Variants in SLC6A9 observed in about 807,000 individuals in gnomAD.
The protein encoded by SLC6A9 is sodium- and chloride-dependent glycine transporter 1.
A neutral mutation model predicts 70.9 loss-of-function variants in SLC6A9; 31 were observed. That is an observed-to-expected ratio of 0.44 (90% CI 0.33 to 0.59). SLC6A9 has a LOEUF of 0.59. Among genes scored for constraint, SLC6A9 ranks in the 20% least tolerant of loss-of-function variants. SLC6A9 has a pLI of 0.04. For missense variants in SLC6A9, 631 were observed against 845.2 expected, an observed-to-expected ratio of 0.75 and a Z score of 3.14; for synonymous variants, 310 against 341.3, an observed-to-expected ratio of 0.91 and a Z score of 1.01.
At chr1:44,010,660 T>C (rs1199134392) in intron 3 of SLC6A9, 66 bp downstream of exon 3, 4 of 1,497,936 alleles carry the variant, frequency 2.7e-6, no homozygotes, top group Non-Finnish European at 3.7e-6. Context: ...AGGGAGAGGG[T>C]GGCCCAGGCC....
chr1:44,027,052 A>G (rs1166969058), intron 1 of SLC6A9, among the ~76,000 whole-genome samples: 1 of 152,126 alleles, frequency 6.6e-6, no homozygotes, highest in Non-Finnish European at 1.5e-5. Context: ...TTCCTGTTAC[A>G]TGGTCCCATC....
chr1:44,002,650 G>C lies in SLC6A9; in HGVS notation c.724-4C>G. On this transcript the variant is annotated splice_polypyrimidine_tract_variant and splice_region_variant and intron_variant, in intron 6 of 13. Transcript: ENST00000372310. This position sits in a 1 kb window ranked among gnomAD's most constrained non-coding sequence, Gnocchi z 5.5. ...ACGTGGCCGTGAAGTACACCACCTGGCACAAGAGGGCTCCATGGACTCTTC... is the reference window on the plus strand; with the variant it reads ...ACGTGGCCGTGAAGTACACCACCTGCCACAAGAGGGCTCCATGGACTCTTC... 6.2e-7 allele frequency: 1 copy of C among 1,614,050 alleles called. No homozygotes were observed. The highest frequency in any genetic ancestry group is 8.5e-7 in the Non-Finnish European group (1 of 1,179,932).
intron 12 of SLC6A9, among the ~76,000 whole-genome samples, chr1:43,999,235 C>G (rs1337780081): frequency 6.6e-6 from 1 of 151,766 alleles, no homozygotes; most frequent in East Asian, 2.0e-4. Flanking sequence ...AAGGAAAGCC[C>G]CCAGAGAAAA....
rs1408274568 is a variant in SLC6A9 at position 43,997,125 on chromosome 1, G to T, written c.*420C>A. 2 of 206,274 alleles carry T rather than the reference G, an allele frequency of 9.7e-6. No homozygotes were observed. The highest frequency in any genetic ancestry group is 1.9e-5 in the Non-Finnish European group (2 of 104,160). 12.8% of individuals were successfully genotyped at this position (206,274 alleles called of 1,614,324 possible). On this transcript the variant is annotated 3_prime_UTR_variant, in exon 14 of 14. Transcript: ENST00000372310. The surrounding 1 kb of genome is among the most constrained non-coding windows in gnomAD (Gnocchi z 4.4). ...CCCAGCCCTTCATCCTGCCCCTAGG[G>T]AGGAATAGCCAAATGTGCCTGGCAG...
In SLC6A9 at chr1:44,002,255, G is replaced by T. The variant is rs561312061; in HGVS notation, c.962+58C>A. On this transcript the variant is annotated intron_variant, in intron 8 of 13. Transcript: ENST00000372310. This position sits in a 1 kb window ranked among gnomAD's most constrained non-coding sequence, Gnocchi z 5.5. Reference sequence around the variant, plus strand: ...GGGCCCATGGCTGCACTGGAGCTGAGATCAGGCTGCAGAGAGTGCAGGAAG... The same window carrying T: ...GGGCCCATGGCTGCACTGGAGCTGATATCAGGCTGCAGAGAGTGCAGGAAG... 10 of 1,255,764 alleles carry T rather than the reference G, an allele frequency of 8.0e-6. No homozygotes were observed. In the African/African-American group the frequency reaches 1.0e-4, roughly 13 times the overall value. 77.8% of individuals were successfully genotyped at this position (1,255,764 alleles called of 1,614,324 possible). A position where few individuals can be genotyped will look rare whatever the true frequency, so the allele number is the denominator to read the frequency against.
chr1:44,022,779 C>T (rs1198093245), intron 2 of SLC6A9, among the ~76,000 whole-genome samples: 7 of 136,684 alleles, frequency 5.1e-5, no homozygotes, highest in African/African-American at 1.6e-4. Flanking sequence ...AGTGCAGTGG[C>T]GCTTGCCTCA....
Position 44,010,895 on chromosome 1 carries a change from G to A in SLC6A9, c.31-13C>T. 1.9e-6 allele frequency: 3 copies of A among 1,613,952 alleles called. No individual in the cohort carries two copies. The highest frequency in any genetic ancestry group is 2.5e-6 in the Non-Finnish European group (3 of 1,179,880). ...GCACAGCACCATTCTGTGGGGACAG[G>A]AGAGAAGCTACCATCAGCAAGGCAT... is the stretch of plus-strand genomic sequence containing the variant. On this transcript the variant is annotated splice_polypyrimidine_tract_variant and intron_variant, in intron 2 of 13. Coordinates refer to ENST00000372310, the MANE Select transcript of SLC6A9 (RefSeq NM_001024845.3).
chr1:44,001,719 A>C, intron 8 of SLC6A9, 92 bp from the exon 9 acceptor site: 8 of 914,458 alleles, frequency 8.7e-6, no homozygotes, highest in South Asian at 1.6e-5. Context: ...GTACAAAGGC[A>C]CCCCCAACTC....
rs568472803 is a variant in SLC6A9, at chr1:43,997,079, A to C, written c.*466T>G. The stretch of plus-strand genomic sequence containing the variant: ...AAACAGGGCTGGGCAGCACAGCCTG[A>C]CAAGTAACACTGGGCAGTCCCCCAG... On this transcript the variant is annotated 3_prime_UTR_variant, in exon 14 of 14. Coordinates refer to ENST00000372310, the MANE Select transcript of SLC6A9 (RefSeq NM_001024845.3). The surrounding 1 kb of genome is among the most constrained non-coding windows in gnomAD (Gnocchi z 4.4). 5.8e-6 allele frequency: 1 copy of C among 173,102 alleles called. No individual in the cohort carries two copies. The highest frequency in any genetic ancestry group is 1.5e-4 in the South Asian group (1 of 6,742). 10.7% of individuals were successfully genotyped at this position (173,102 alleles called of 1,614,324 possible).
chr1:44,022,508 A>C (rs2086901526), intron 2 of SLC6A9, among the ~76,000 whole-genome samples: 1 of 152,016 alleles, frequency 6.6e-6, no homozygotes, highest in Admixed American at 6.6e-5. Context: ...CAGGAATCTC[A>C]GGAATACTTT....
intron 2 of SLC6A9, among the ~76,000 whole-genome samples, chr1:44,022,263 G>A (rs2086897674): frequency 6.6e-6 from 1 of 152,158 alleles, no homozygotes; most frequent in South Asian, 2.1e-4. Context: ...GTCCTTCCAG[G>A]TCACTCCAGA....
intron 4 of SLC6A9, among the ~76,000 whole-genome samples, chr1:44,009,004 G>A (rs1359941952): frequency 6.9e-6 from 1 of 144,022 alleles, no homozygotes; most frequent in Non-Finnish European, 1.5e-5. Flanking sequence ...ACAGGCGTGA[G>A]CCACCGCGCC....
In SLC6A9 at chr1:44,002,621, GGGAACGTGGCCGTGAAGTACACCACCT is replaced by G; in HGVS notation, c.724-2_748del. ...AAACAGAATGGTCAGCACCACGTAGGGGAACGTGGCCGTGAAGTACACCACCTGGCACAAGAGGGCTCCATGGACTCT... is the reference window on the plus strand; with the variant it reads ...AAACAGAATGGTCAGCACCACGTAGGGGCACAAGAGGGCTCCATGGACTCT... On this transcript the variant is annotated splice_acceptor_variant and coding_sequence_variant, in exon 7 of 14. Transcript: ENST00000372310. LOFTEE classifies it high-confidence loss of function. The surrounding 1 kb of genome is among the most constrained non-coding windows in gnomAD (Gnocchi z 5.5). The G allele has an allele frequency of 6.2e-7, 1 of 1,614,112 alleles. No individual in the cohort carries two copies. Among genetic ancestry groups the G allele is most frequent in the Non-Finnish European group, 8.5e-7 (1 of 1,179,974 alleles).
chr1:44,024,650 G>C (rs2086948987), intron 1 of SLC6A9, among the ~76,000 whole-genome samples: 1 of 152,224 alleles, frequency 6.6e-6, no homozygotes. Context: ...TACCAAACTG[G>C]GATGGAGTCC....
intron 2 of SLC6A9, chr1:44,017,368 A>AACACAC (rs3038812): frequency 2.6e-4 from 217 of 828,406 alleles, no homozygotes; most frequent in African/African-American, 1.4e-3. Flanking sequence ...TAACTGGAAC[A>AACACAC]ACACACACAC....
Position 43,997,641 on chromosome 1 carries a change from C to G in SLC6A9, c.1806G>C (p.Glu602Asp). Residue 602 changes from glutamate to aspartate, a missense_variant, in exon 14 of 14, where the codon GAG becomes GAC. Coordinates refer to ENST00000372310, the MANE Select transcript of SLC6A9 (RefSeq NM_001024845.3). This position sits in a 1 kb window ranked among gnomAD's most constrained non-coding sequence, Gnocchi z 4.4. ...GCAGTGGCTGGACCTCGAAGCCGTC[C>G]TCAGGAGAGGGGGCTATGGTGGGGG... The part of the protein sequence containing the change: ...RYAPTIAPSP[E>D]DGFEVQPLHP... 1 of 1,614,034 alleles carries G rather than the reference C, an allele frequency of 6.2e-7. No homozygotes were observed.
Position 44,002,771 on chromosome 1 carries a change from C to T in SLC6A9, c.723+82G>A, listed in dbSNP as rs1054489039. 6.3e-7 allele frequency: 1 copy of T among 1,597,672 alleles called. No individual in the cohort carries two copies. The highest frequency in any genetic ancestry group is 8.6e-7 in the Non-Finnish European group (1 of 1,167,234). On this transcript the variant is annotated intron_variant, in intron 6 of 13. Transcript: ENST00000372310. The surrounding 1 kb of genome is among the most constrained non-coding windows in gnomAD (Gnocchi z 5.5). The stretch of plus-strand genomic sequence containing the variant: ...GGCTCCGGAGTCCCTTCAGCATCCC[C>T]TCCCTGCAATACACACATAACCCAG...
At chr1:44,014,707 T>C (rs2086682553) in intron 2 of SLC6A9, 1 of 152,028 alleles carries the variant, frequency 6.6e-6, no homozygotes, top group Non-Finnish European at 1.5e-5. Flanking sequence ...GAGGGCAGAA[T>C]CCAGATCTCC....
Position 44,011,746 on chromosome 1 carries a change from C to T in SLC6A9, c.31-864G>A, listed in dbSNP as rs750627261. 9.9e-6 allele frequency: 16 copies of T among 1,612,024 alleles called. No homozygotes were observed. In the East Asian group the frequency reaches 2.7e-4, roughly 27 times the overall value. The stretch of plus-strand genomic sequence containing the variant: ...ACCTGCAGGGGAGGGGGCCGAAGGT[C>T]AGGAGAGGCAGATGCGGGGATTTGC... On this transcript the variant is annotated intron_variant, in intron 2 of 13. Coordinates refer to ENST00000372310, the MANE Select transcript of SLC6A9 (RefSeq NM_001024845.3).
Sources: gnomAD v4.1 joint callset for allele counts (sites outside exome capture counted in the v4.1 genomes callset) on GRCh38, gnomAD v4.1.1 for gene constraint, Gnocchi (gnomAD v3.1) non-coding constraint, MANE v1.5 for transcripts, NCBI Gene and HGNC (gene_info 2026-07-23, HGNC 2026-07-21) for gene names.